TG: variants seen among roughly 807,000 people sequenced by gnomAD.
The protein encoded by TG is thyroglobulin, also known as thyroid hormones.
A neutral mutation model predicts 324.7 loss-of-function variants in TG; 270 were observed. The observed-to-expected ratio is 0.83, with a 90% CI of 0.75 to 0.92. TG has a LOEUF of 0.92. Among genes scored for constraint, TG ranks in the 40% least tolerant of loss-of-function variants. The pLI is 0.00. For missense variants in TG, 3,591 were observed against 3,456.4 expected (o/e 1.04, Z -0.98); for synonymous variants, 1,401 against 1,327.0 (o/e 1.06, Z -1.21).
intron 41 of TG, among the ~76,000 whole-genome samples, chr8:133,089,635 A>G (rs1341598759): frequency 6.6e-6 from 1 of 152,204 alleles, no homozygotes; most frequent in African/African-American, 2.4e-5. Flanking sequence ...TTTAGAAGTC[A>G]CTGGTCCATC....
chr8:132,893,996 C>G lies in TG; in HGVS notation c.3001+67C>G, dbSNP rs559197090. The stretch of plus-strand genomic sequence containing the variant: ...GAAAAGCAGGAGCTTAAATTCGTCT[C>G]TCCTCAGTCATCCTTAGGACTTTGT... On this transcript the variant is annotated intron_variant, in intron 11 of 47. Coordinates refer to ENST00000220616, the MANE Select transcript of TG (RefSeq NM_003235.5). 3.1e-6 allele frequency: 5 copies of G among 1,612,220 alleles called. No individual in the cohort carries two copies. In the East Asian group the frequency reaches 1.1e-4, roughly 36 times the overall value.
At chr8:132,869,673 G>A (rs1351088098) in intron 2 of TG, 56 bp from the exon 3 acceptor site, 34 of 1,451,604 alleles carry the variant, frequency 2.3e-5, no homozygotes, top group South Asian at 2.2e-4. Context: ...AGTGGGAGCC[G>A]GCATGTGGCT....
intron 29 of TG, among the ~76,000 whole-genome samples, chr8:132,964,014 T>G (rs1003058448): frequency 6.6e-6 from 1 of 152,006 alleles, no homozygotes; most frequent in African/African-American, 2.4e-5. Flanking sequence ...TGCCTGGTAC[T>G]TAACACATGC....
At chr8:132,978,298 G>T (rs1830418212) in intron 34 of TG, among the ~76,000 whole-genome samples, 1 of 152,138 alleles carries the variant, frequency 6.6e-6, no homozygotes, top group South Asian at 2.1e-4. Context: ...CATAGAGCGA[G>T]AATTCACTCA....
chr8:133,126,715 T>C (rs889366599), intron 45 of TG, among the ~76,000 whole-genome samples: 7 of 152,102 alleles, frequency 4.6e-5, no homozygotes, highest in African/African-American at 1.7e-4. Context: ...ATCTGAACTT[T>C]TGCATATTAG....
Position 132,869,764 on chromosome 8 carries a change from G to T in TG, c.212G>T (p.Trp71Leu). The T allele has an allele frequency of 6.2e-7, 1 of 1,614,164 alleles. No homozygotes were observed. Among genetic ancestry groups the T allele is most frequent in the Non-Finnish European group, 8.5e-7 (1 of 1,180,024 alleles). Residue 71 changes from tryptophan (W) to leucine (L), a missense_variant, in exon 3 of 48, where the codon TGG becomes TTG. Physicochemically the swap from Trp to Leu is moderately conservative, Grantham distance 61. Transcript: ENST00000220616. Reference sequence around the variant, plus strand: ...TGCCAGAACGACGGCCGCTCCTGCTGGTGTGTGGGTGCCAACGGCAGTGAA... The same window carrying T: ...TGCCAGAACGACGGCCGCTCCTGCTTGTGTGTGGGTGCCAACGGCAGTGAA... ...VQCQNDGRSCWCVGANGSEVL... is the reference protein window; with the variant it reads ...VQCQNDGRSCLCVGANGSEVL...
At chr8:132,901,683 T>C in intron 16 of TG, 130 bp downstream of exon 16, 1 of 993,260 alleles carries the variant, frequency 1.0e-6, no homozygotes. Flanking sequence ...AGGGATGTAG[T>C]TGTGGTTGAG....
At position 133,065,926 on chromosome 8, in the gene TG, G is replaced by T. The variant is rs575242962; in HGVS notation, c.7240-29118G>T. Reference sequence around the variant, plus strand: ...GCAGTGTTTGGAAGCCCGGGTCTGGGTTTCCAGCGGGGATGAGGGGTGCAG... The same window carrying T: ...GCAGTGTTTGGAAGCCCGGGTCTGGTTTTCCAGCGGGGATGAGGGGTGCAG... On this transcript the variant is annotated intron_variant, in intron 41 of 47. Transcript: ENST00000220616. Among the ~76,000 whole-genome samples the T allele has an allele frequency of 2.6e-5, 4 of 152,278 alleles. No homozygotes were observed. In the South Asian group the frequency reaches 8.3e-4, roughly 32 times the overall value.
intron 25 of TG, among the ~76,000 whole-genome samples, chr8:132,938,378 G>A (rs1229617494): frequency 6.6e-6 from 1 of 152,128 alleles, no homozygotes; most frequent in African/African-American, 2.4e-5. Context: ...GGATGTCAGT[G>A]CCCAAAGGTT....
intron 45 of TG, among the ~76,000 whole-genome samples, chr8:133,121,271 G>A (rs1184969535): frequency 6.6e-6 from 1 of 152,154 alleles, no homozygotes; most frequent in Non-Finnish European, 1.5e-5. Flanking sequence ...GGAGGCCGGA[G>A]AGGTCTGAAG....
At chr8:132,991,040 G>C (rs1162917549) in intron 35 of TG, among the ~76,000 whole-genome samples, 1 of 119,340 alleles carries the variant, frequency 8.4e-6, no homozygotes, top group Non-Finnish European at 1.8e-5. Context: ...GGAGGCCTCA[G>C]ATGGCCCTTT....
rs1290996645 is a variant in TG at position 132,941,375 on chromosome 8, A to G, written c.5066A>G (p.Gln1689Arg). 1.9e-6 allele frequency: 3 copies of G among 1,614,234 alleles called. No homozygotes were observed. In the South Asian group the frequency reaches 3.3e-5, roughly 18 times the overall value. Residue 1689 changes from glutamine (Q) to arginine (R), a missense_variant, in exon 26 of 48, where the codon CAG (glutamine) becomes CGG (arginine). By Grantham distance (43) the Gln-to-Arg change is conservative. Transcript: ENST00000220616. ...GGCCAAGGATCCACCACAACACTTC[A>G]GAAACGCTTTGAACCCACTGGTTTC... ...KKGQGSTTTL[Q>R]KRFEPTGFQN...
intron 35 of TG, among the ~76,000 whole-genome samples, chr8:133,004,273 G>A (rs11782027): frequency 0.29 from 43,908 of 152,012 alleles, 6,624 homozygotes; most frequent in Non-Finnish European, 0.32. Flanking sequence ...GGCTGTATAA[G>A]GGCTGGGAAG....
At chr8:133,022,226 C>G (rs986429074) in intron 40 of TG, 76 bp downstream of exon 40, 23 of 1,591,248 alleles carry the variant, frequency 1.4e-5, no homozygotes, top group Non-Finnish European at 2.0e-5. Context: ...GACCCATCCC[C>G]TCACTGCCCC....
chr8:132,868,135 C>A lies in TG; in HGVS notation c.88C>A (p.Pro30Thr), dbSNP rs754496117. 6.8e-6 allele frequency: 11 copies of A among 1,614,022 alleles called. No individual in the cohort carries two copies. The highest frequency in any genetic ancestry group is 1.1e-5 in the South Asian group (1 of 91,084). ...CCTAGAGTACCAGGTGGATGCCCAG[C>A]CCCTTCGTCCCTGTGAGCTGCAGAG... ...NIFEYQVDAQ[P>T]LRPCELQRET... Residue 30 changes from proline to threonine, a missense_variant, in exon 2 of 48, where the codon CCC becomes ACC. Transcript: ENST00000220616.
At chr8:132,901,937 CT>C (rs1331690533) in intron 16 of TG, among the ~76,000 whole-genome samples, 2 of 152,072 alleles carry the variant, frequency 1.3e-5, no homozygotes, top group African/African-American at 4.8e-5. Context: ...GAGGTGTTGA[CT>C]TGTTTATTTT....
At chr8:132,959,145 T>C (rs1253656858) in intron 27 of TG, among the ~76,000 whole-genome samples, 2 of 152,228 alleles carry the variant, frequency 1.3e-5, no homozygotes, top group South Asian at 2.1e-4. Flanking sequence ...CAACTCAGTC[T>C]TTTTGTCTCA....
intron 23 of TG, among the ~76,000 whole-genome samples, chr8:132,932,197 A>C (rs1043099181): frequency 4.8e-4 from 73 of 152,326 alleles, no homozygotes; most frequent in African/African-American, 1.7e-3. Flanking sequence ...TGCCTAGTTC[A>C]TAAAAGACAT....
intron 41 of TG, among the ~76,000 whole-genome samples, chr8:133,032,208 TC>T (rs1836705776): frequency 6.6e-6 from 1 of 152,198 alleles, no homozygotes; most frequent in Non-Finnish European, 1.5e-5. Flanking sequence ...CTCCCTCCCT[TC>T]CACCCCTTTC....
Sources: allele counts gnomAD v4.1 joint callset (sites outside exome capture counted in the v4.1 genomes callset), GRCh38; gene constraint gnomAD v4.1.1; transcripts MANE v1.5; gene names NCBI Gene and HGNC (gene_info 2026-07-23, HGNC 2026-07-21).